Variants in TET3 observed in about 807,000 individuals in gnomAD.
TET3 encodes tet methylcytosine dioxygenase 3.
A neutral mutation model predicts 141.4 loss-of-function variants in TET3; 19 were observed. The ratio of observed to expected loss-of-function variants is 0.13; its 90% CI spans 0.09 to 0.20. TET3 has a LOEUF of 0.20. Among genes scored for constraint, TET3 ranks in the 10% least tolerant of loss-of-function variants. The pLI, the probability that TET3 is intolerant of heterozygous loss-of-function variation, is 1.00. For missense variants in TET3, 1,874 were observed against 2,356.9 expected (o/e 0.80, Z 4.24); for synonymous variants, 1,043 against 980.9 (o/e 1.06, Z -1.18).
At chr2:74,129,527 G>A in the TET3 span, among the ~76,000 whole-genome samples, 3 of 151,758 alleles carry the variant, frequency 2.0e-5, no homozygotes, top group Non-Finnish European at 4.4e-5. Context: ...CAGCTACTCA[G>A]GAGGCTGAGG....
In TET3 at chr2:74,093,057, G is replaced by T; in HGVS notation, c.3129+66G>T. The T allele has an allele frequency of 7.0e-7, 1 of 1,425,010 alleles. No homozygotes were observed. Among genetic ancestry groups the T allele is most frequent in the Non-Finnish European group, 9.7e-7 (1 of 1,033,492 alleles). 88.3% of individuals were successfully genotyped at this position (1,425,010 alleles called of 1,614,324 possible). On this transcript the variant is annotated intron_variant, in intron 9 of 11. Coordinates refer to ENST00000409262, the MANE Select transcript of TET3 (RefSeq NM_001287491.2). This position sits in a 1 kb window ranked among gnomAD's most constrained non-coding sequence, Gnocchi z 4.2. Reference sequence around the variant, plus strand: ...CCACATCTCTGCTCAGGCTCTGAAGGTGGGAAGTGGGAGAGTGGGCTCTTT... The same window carrying T: ...CCACATCTCTGCTCAGGCTCTGAAGTTGGGAAGTGGGAGAGTGGGCTCTTT...
At chr2:74,034,965 G>T (rs1214058388) in intron 3 of TET3, among the ~76,000 whole-genome samples, 1 of 150,784 alleles carries the variant, frequency 6.6e-6, no homozygotes, top group Non-Finnish European at 1.5e-5. Flanking sequence ...GCTGAGGCAA[G>T]CAGATCACGA....
chr2:74,061,785 G>A (rs1273096175), intron 4 of TET3, among the ~76,000 whole-genome samples: 2 of 139,656 alleles, frequency 1.4e-5, no homozygotes, highest in Admixed American at 6.9e-5. Context: ...AGACGGGGTC[G>A]CGGCCGGGTA....
intron 8 of TET3, among the ~76,000 whole-genome samples, chr2:74,090,950 C>A (rs1283258819): frequency 6.6e-6 from 1 of 152,182 alleles, no homozygotes; most frequent in African/African-American, 2.4e-5. Flanking sequence ...CCAAATCTCT[C>A]CAAGCTCCTA....
Position 74,104,190 on chromosome 2 carries a change from G to A in TET3, c.*2014G>A, listed in dbSNP as rs889966368. 6.6e-6 allele frequency: 1 copy of A among 152,104 alleles called. No homozygotes were observed. Among genetic ancestry groups the A allele is most frequent in the South Asian group, 2.1e-4 (1 of 4,822 alleles). 9.4% of individuals were successfully genotyped at this position (152,104 alleles called of 1,614,324 possible). Reference sequence around the variant, plus strand: ...ATTGTGGGAGAAATTGTAAATAGTAGCCGAATATTTAATGTGCTTTGTCTA... The same window carrying A: ...ATTGTGGGAGAAATTGTAAATAGTAACCGAATATTTAATGTGCTTTGTCTA... On this transcript the variant is annotated 3_prime_UTR_variant, in exon 12 of 12. Coordinates refer to ENST00000409262, the MANE Select transcript of TET3 (RefSeq NM_001287491.2).
intron 10 of TET3, among the ~76,000 whole-genome samples, chr2:74,097,192 C>T (rs1690893088): frequency 7.3e-6 from 1 of 136,878 alleles, no homozygotes; most frequent in African/African-American, 2.9e-5. Flanking sequence ...TATAGCCATA[C>T]ATGCACACAC....
chr2:74,000,577 G>C (rs925802511), intron 2 of TET3, among the ~76,000 whole-genome samples: 1 of 152,126 alleles, frequency 6.6e-6, no homozygotes, highest in Admixed American at 6.6e-5. Flanking sequence ...GCAGCACCGG[G>C]AAGTCTCTGA....
In TET3 at chr2:74,100,997, G is replaced by A. The variant is rs767301030; in HGVS notation, c.4209G>A (p.Pro1403=). The change falls in exon 12 of 12, where the codon CCG becomes CCA. Residue 1403 remains proline, a synonymous_variant. Transcript: ENST00000409262. ...CCATCAAGCAAGAGCCAGTAGACCCGCTGACCCAGGCTGAGCCTGTGCCCA... is the reference window on the plus strand; with the variant it reads ...CCATCAAGCAAGAGCCAGTAGACCCACTGACCCAGGCTGAGCCTGTGCCCA... ...NRSIKQEPVD[P]LTQAEPVPRD... 82 of 1,612,468 alleles carry A rather than the reference G, an allele frequency of 5.1e-5. No individual in the cohort carries two copies. Among genetic ancestry groups the A allele is most frequent in the Middle Eastern group, 1.6e-4 (1 of 6,082 alleles).
intron 3 of TET3, among the ~76,000 whole-genome samples, chr2:74,045,629 A>G (rs12611576): frequency 2.0e-5 from 3 of 152,354 alleles, no homozygotes; most frequent in East Asian, 3.9e-4. Context: ...GGCTAAACGC[A>G]TGCTGTGTCA....
chr2:74,017,530 C>A (rs959987026), intron 3 of TET3, among the ~76,000 whole-genome samples: 1 of 152,152 alleles, frequency 6.6e-6, no homozygotes, highest in Non-Finnish European at 1.5e-5. Context: ...CTTAACATAT[C>A]CTCCAAGCTC....
At chr2:73,991,309 C>T (rs1054640574) in intron 2 of TET3, among the ~76,000 whole-genome samples, 1 of 151,834 alleles carries the variant, frequency 6.6e-6, no homozygotes, top group African/African-American at 2.4e-5. Context: ...TCTGGCCGGG[C>T]ACGGTGGCTC....
rs907908056 is a variant in TET3, at chr2:74,093,877, G to T, written c.3267+211G>T. Among the ~76,000 whole-genome samples the T allele has an allele frequency of 1.3e-5, 2 of 152,224 alleles. No homozygotes were observed. The highest frequency in any genetic ancestry group is 2.9e-5 in the Non-Finnish European group (2 of 68,038). On this transcript the variant is annotated intron_variant, in intron 10 of 11. Transcript: ENST00000409262. This position sits in a 1 kb window ranked among gnomAD's most constrained non-coding sequence, Gnocchi z 4.2. ...CCCTTGAACAGACAAGGCTGGCTTTGTGTCTGTGTCTTAGGGGGATGCTGC... is the reference window on the plus strand; with the variant it reads ...CCCTTGAACAGACAAGGCTGGCTTTTTGTCTGTGTCTTAGGGGGATGCTGC...
chr2:74,042,662 A>G (rs1687399823), intron 3 of TET3, among the ~76,000 whole-genome samples: 1 of 152,206 alleles, frequency 6.6e-6, no homozygotes, highest in Non-Finnish European at 1.5e-5. Context: ...TGGTAGGTTA[A>G]TGGCCTTCTG....
chr2:74,122,819 A>C, the TET3 span, among the ~76,000 whole-genome samples: 1 of 151,218 alleles, frequency 6.6e-6, no homozygotes, highest in Non-Finnish European at 1.5e-5. Flanking sequence ...CAGCCTCCCA[A>C]AATGCTGGGA....
chr2:74,019,501 C>T (rs1024522222), intron 3 of TET3, among the ~76,000 whole-genome samples: 3 of 152,158 alleles, frequency 2.0e-5, no homozygotes, highest in Middle Eastern at 3.2e-3. Flanking sequence ...TCTGTACCTC[C>T]GTGGCAATAC....
intron 3 of TET3, among the ~76,000 whole-genome samples, chr2:74,020,719 C>T (rs1685990717): frequency 1.3e-5 from 2 of 152,204 alleles, no homozygotes; most frequent in African/African-American, 4.8e-5. Flanking sequence ...GAGGGCTATG[C>T]CCTTGGAGAG....
chr2:74,085,770 G>A (rs995034834), intron 6 of TET3, among the ~76,000 whole-genome samples: 4 of 152,136 alleles, frequency 2.6e-5, no homozygotes, highest in Non-Finnish European at 4.4e-5. Flanking sequence ...GTACAGGTCC[G>A]CACCCTGGGG....
At chr2:74,128,909 C>T in the TET3 span, among the ~76,000 whole-genome samples, 1 of 146,028 alleles carries the variant, frequency 6.8e-6, no homozygotes, top group East Asian at 2.1e-4. Flanking sequence ...GGAGGATCAG[C>T]TGAGCCCCAG....
At chr2:74,027,526 G>T (rs1686441282) in intron 3 of TET3, among the ~76,000 whole-genome samples, 1 of 151,596 alleles carries the variant, frequency 6.6e-6, no homozygotes, top group Admixed American at 6.6e-5. Context: ...ACTCCTCTTT[G>T]TTCCCCTAAC....
Sources: allele counts gnomAD v4.1 joint callset (sites outside exome capture counted in the v4.1 genomes callset), GRCh38; gene constraint gnomAD v4.1.1; non-coding constraint Gnocchi (gnomAD v3.1); transcripts MANE v1.5; gene names NCBI Gene and HGNC (gene_info 2026-07-23, HGNC 2026-07-21).